XPNPEP1: variants seen among roughly 807,000 people sequenced by gnomAD.
XPNPEP1 encodes the protein xaa-Pro aminopeptidase 1.
Under a neutral mutation model 92.4 loss-of-function variants are expected in XPNPEP1, and 39 were observed. The observed-to-expected ratio is 0.42, with a 90% CI of 0.33 to 0.55. The LOEUF (loss-of-function observed/expected upper bound fraction) is 0.55. Among genes scored for constraint, XPNPEP1 ranks in the 20% least tolerant of loss-of-function variants. XPNPEP1 has a pLI of 0.08. For missense variants in XPNPEP1, 654 were observed against 856.1 expected, an observed-to-expected ratio of 0.76 and a Z score of 2.95; for synonymous variants, 307 against 299.4, an observed-to-expected ratio of 1.03 and a Z score of -0.26.
intron 11 of XPNPEP1, 83 bp from the exon 12 acceptor site, chr10:109,880,321 G>C (rs1848020338): frequency 7.1e-7 from 1 of 1,415,634 alleles, no homozygotes; most frequent in Admixed American, 1.7e-5. Flanking sequence ...ATGCAATACT[G>C]AGAAGGCTGT....
intron 5 of XPNPEP1, 36 bp from the exon 6 acceptor site, chr10:109,888,631 G>GAAA: frequency 6.6e-7 from 1 of 1,522,128 alleles, no homozygotes; most frequent in South Asian, 1.2e-5. Flanking sequence ...ACAATTCCCA[G>GAAA]TGGGCCCACG....
intron 3 of XPNPEP1, among the ~76,000 whole-genome samples, chr10:109,902,262 T>C (rs1849325077): frequency 6.6e-6 from 1 of 152,238 alleles, no homozygotes; most frequent in African/African-American, 2.4e-5. Flanking sequence ...AGCATTCAAG[T>C]GCTTCAAGCA....
intron 3 of XPNPEP1, among the ~76,000 whole-genome samples, chr10:109,898,593 A>AGCAAGAG (rs1215567231): frequency 6.6e-6 from 1 of 152,236 alleles, no homozygotes; most frequent in Admixed American, 6.5e-5. Context: ...AAGGCCCAGA[A>AGCAAGAG]GCAAGAGGCA....
At chr10:109,914,898 G>A (rs887403235) in intron 2 of XPNPEP1, 113 bp downstream of exon 2, 1 of 539,662 alleles carries the variant, frequency 1.9e-6, no homozygotes, top group Middle Eastern at 5.2e-4. Context: ...CTAACCCCCA[G>A]TCATGATCTG....
chr10:109,923,386 G>A lies in XPNPEP1; in HGVS notation c.32+16C>T, dbSNP rs750136817. On this transcript the variant is annotated intron_variant, in intron 1 of 20. Coordinates refer to ENST00000502935, the MANE Select transcript of XPNPEP1 (RefSeq NM_020383.4). ...GCACGCTGCCCGGACGCCGGCTGCCGGCGGAGTGCCCTCACCTTACTCGCG... is the reference window on the plus strand; with the variant it reads ...GCACGCTGCCCGGACGCCGGCTGCCAGCGGAGTGCCCTCACCTTACTCGCG... 28 of 1,432,090 alleles carry A rather than the reference G, an allele frequency of 2.0e-5. No individual in the cohort carries two copies. The South Asian group carries it at 2.9e-4, about 15-fold the overall frequency. 88.7% of individuals were successfully genotyped at this position (1,432,090 alleles called of 1,614,324 possible).
At chr10:109,888,405 C>T (rs144299813) in intron 6 of XPNPEP1, 98 bp downstream of exon 6, 3 of 1,296,368 alleles carry the variant, frequency 2.3e-6, no homozygotes, top group Non-Finnish European at 3.2e-6. Flanking sequence ...TCATGCTGAG[C>T]CCCCCAGTGC....
intron 3 of XPNPEP1, among the ~76,000 whole-genome samples, chr10:109,901,466 C>T (rs78793472): frequency 0.017 from 2,610 of 152,182 alleles, 37 homozygotes; most frequent in South Asian, 0.098. Context: ...TCCATGCATC[C>T]AAATTCTACC....
intron 11 of XPNPEP1, 33 bp from the exon 12 acceptor site, chr10:109,880,271 T>G: frequency 6.2e-7 from 1 of 1,610,302 alleles, no homozygotes; most frequent in South Asian, 1.1e-5. Context: ...TTTTAAGTTA[T>G]CACTGAAAAT....
intron 7 of XPNPEP1, 137 bp from the exon 8 acceptor site, chr10:109,886,478 T>TG (rs1848396415): frequency 1.3e-6 from 1 of 771,498 alleles, no homozygotes; most frequent in Non-Finnish European, 2.1e-6. Context: ...GCAGGAGGCC[T>TG]GGATTCAAGC....
chr10:109,880,374 T>A, intron 11 of XPNPEP1, 136 bp from the exon 12 acceptor site: 1 of 851,776 alleles, frequency 1.2e-6, no homozygotes, highest in Non-Finnish European at 1.9e-6. Context: ...GCTTTACATG[T>A]GGACATTTCT....
At chr10:109,914,740 G>A (rs1243480988) in intron 2 of XPNPEP1, among the ~76,000 whole-genome samples, 6 of 148,450 alleles carry the variant, frequency 4.0e-5, no homozygotes, top group Non-Finnish European at 4.4e-5. Flanking sequence ...AGGTTGCAGT[G>A]AGCCGAGATC....
chr10:109,872,195 A>G (rs2133362546), intron 16 of XPNPEP1, among the ~76,000 whole-genome samples: 1 of 152,358 alleles, frequency 6.6e-6, no homozygotes, highest in South Asian at 2.1e-4. Flanking sequence ...TTACTGAGCT[A>G]TCCTCTGTGC....
At chr10:109,900,675 T>A (rs976670603) in intron 3 of XPNPEP1, among the ~76,000 whole-genome samples, 1 of 152,268 alleles carries the variant, frequency 6.6e-6, no homozygotes, top group East Asian at 1.9e-4. Context: ...TCTGAGATCC[T>A]GCAAGGCCTA....
intron 12 of XPNPEP1, among the ~76,000 whole-genome samples, chr10:109,878,718 T>A (rs564141043): frequency 2.6e-5 from 4 of 151,732 alleles, no homozygotes; most frequent in African/African-American, 9.7e-5. Context: ...CAAAACCTTA[T>A]CTCTACAAAA....
chr10:109,919,150 T>A lies in XPNPEP1; in HGVS notation c.33-4051A>T, dbSNP rs1850388065. Among the ~76,000 whole-genome samples the A allele has an allele frequency of 2.0e-5, 3 of 152,110 alleles. No individual in the cohort carries two copies. In the South Asian group the frequency reaches 6.2e-4, roughly 32 times the overall value. On this transcript the variant is annotated intron_variant, in intron 1 of 20. Transcript: ENST00000502935. ...GAAAAAAGAGATACACTGGACTTCATCAGAATTTAAAATGTTTGTGTTTCA... is the reference window on the plus strand; with the variant it reads ...GAAAAAAGAGATACACTGGACTTCAACAGAATTTAAAATGTTTGTGTTTCA...
Position 109,891,897 on chromosome 10 carries a change from C to A in XPNPEP1, c.311-71G>T. 3 of 1,497,734 alleles carry A rather than the reference C, an allele frequency of 2.0e-6. No individual in the cohort carries two copies. Among genetic ancestry groups the A allele is most frequent in the Non-Finnish European group, 9.2e-7 (1 of 1,091,588 alleles). 92.8% of individuals were successfully genotyped at this position (1,497,734 alleles called of 1,614,324 possible). A position where few individuals can be genotyped will look rare whatever the true frequency, so the allele number is the denominator to read the frequency against. Reference sequence around the variant, plus strand: ...ACTGCTCAGAAGCTGCACAAAATGACAGTAGACAGGCAAGAGCAGTAAGAG... The same window carrying A: ...ACTGCTCAGAAGCTGCACAAAATGAAAGTAGACAGGCAAGAGCAGTAAGAG... On this transcript the variant is annotated intron_variant, in intron 4 of 20. Transcript: ENST00000502935.
chr10:109,923,175 C>G (rs1850651024), intron 1 of XPNPEP1: 3 of 985,198 alleles, frequency 3.0e-6, no homozygotes, highest in Non-Finnish European at 3.6e-6. Flanking sequence ...CAGACTCGGG[C>G]CGCCCCGTGC....
At position 109,880,215 on chromosome 10, in the gene XPNPEP1, A is replaced by G; in HGVS notation, c.1155T>C (p.Cys385=). ...RAHIKDAVAL[C]ELFNWLEKEV... ...CTTTCTCCAGCCAGTTAAAGAGTTCACAGAGAGCAACAGCATCTTTAATCT... is the reference window on the plus strand; with the variant it reads ...CTTTCTCCAGCCAGTTAAAGAGTTCGCAGAGAGCAACAGCATCTTTAATCT... Residue 385 remains cysteine (C), a synonymous_variant, in exon 12 of 21, where the codon TGT becomes TGC. Coordinates refer to ENST00000502935, the MANE Select transcript of XPNPEP1 (RefSeq NM_020383.4). The G allele has an allele frequency of 6.2e-7, 1 of 1,614,054 alleles. No individual in the cohort carries two copies. The highest frequency in any genetic ancestry group is 8.5e-7 in the Non-Finnish European group (1 of 1,180,036).
At chr10:109,912,043 T>C (rs939820237) in intron 2 of XPNPEP1, among the ~76,000 whole-genome samples, 1 of 152,168 alleles carries the variant, frequency 6.6e-6, no homozygotes, top group African/African-American at 2.4e-5. Flanking sequence ...TGCTTCCTGG[T>C]CATCACAACC....
Sources: gnomAD v4.1 joint callset for allele counts (sites outside exome capture counted in the v4.1 genomes callset) on GRCh38, gnomAD v4.1.1 for gene constraint, MANE v1.5 for transcripts, NCBI Gene and HGNC (gene_info 2026-07-23, HGNC 2026-07-21) for gene names.